IQGAP1: variants seen among roughly 807,000 people sequenced by gnomAD.
IQGAP1 encodes the protein ras GTPase-activating-like protein IQGAP1.
A neutral mutation model predicts 215.6 loss-of-function variants in IQGAP1; 66 were observed. That is an observed-to-expected ratio of 0.31 (90% confidence interval 0.25 to 0.38). IQGAP1 has a LOEUF of 0.38. Ranked by LOEUF, IQGAP1 falls within the 10% of genes least tolerant of loss-of-function variation. The pLI is 1.00. For synonymous variants in IQGAP1, 772 were observed against 728.7 expected, an observed-to-expected ratio of 1.06 and a Z score of -0.96; for missense variants, 1,712 against 1,997.1, an observed-to-expected ratio of 0.86 and a Z score of 2.72.
At chr15:90,448,778 T>C (rs1965559721) in intron 10 of IQGAP1, 42 bp downstream of exon 10, 1 of 1,386,722 alleles carries the variant, frequency 7.2e-7, no homozygotes, top group Non-Finnish European at 9.4e-7. Context: ...TTTGTATATA[T>C]CCATTCGAAT....
Position 90,456,264 on chromosome 15 carries a change from G to A in IQGAP1, c.1725G>A (p.Val575=). The A allele has an allele frequency of 1.2e-6, 2 of 1,614,068 alleles. No homozygotes were observed. The highest frequency in any genetic ancestry group is 1.7e-6 in the Non-Finnish European group (2 of 1,179,980). The change falls in exon 15 of 38, where the codon GTG becomes GTA. Residue 575 remains valine, a synonymous_variant. Transcript: ENST00000268182. Reference sequence around the variant, plus strand: ...AACTTGAGGGAGTCCTTGCAGAAGTGGCCCAGCATTACCAAGACACGCTGA... The same window carrying A: ...AACTTGAGGGAGTCCTTGCAGAAGTAGCCCAGCATTACCAAGACACGCTGA... ...AAKLEGVLAE[V]AQHYQDTLIR...
intron 4 of IQGAP1, chr15:90,431,194 G>A (rs181637998): frequency 6.6e-6 from 1 of 151,964 alleles, no homozygotes; most frequent in East Asian, 1.9e-4. Flanking sequence ...CTTTGCAGAA[G>A]ACTAGCTTTT....
chr15:90,481,836 G>T (rs987644077), intron 26 of IQGAP1, 124 bp from the exon 27 acceptor site: 3 of 992,606 alleles, frequency 3.0e-6, no homozygotes, highest in Middle Eastern at 2.6e-4. Context: ...TACCAGCCCC[G>T]TGAGGATGAG....
At chr15:90,498,563 TG>T (rs890756911) in intron 37 of IQGAP1, among the ~76,000 whole-genome samples, 13 of 152,106 alleles carry the variant, frequency 8.5e-5, no homozygotes, top group Admixed American at 8.5e-4. Context: ...CTGCCAGGTG[TG>T]GGGTATTCTG....
intron 26 of IQGAP1, 123 bp downstream of exon 26, chr15:90,478,012 A>G: frequency 2.9e-6 from 2 of 688,736 alleles, no homozygotes; most frequent in South Asian, 2.0e-5. Flanking sequence ...CTTTTTTTAG[A>G]CAGAGTTTCA....
chr15:90,466,184 T>G, intron 16 of IQGAP1, 85 bp from the exon 17 acceptor site: 6 of 1,573,628 alleles, frequency 3.8e-6, no homozygotes, highest in Non-Finnish European at 5.2e-6. Context: ...GGGGAACAAT[T>G]TGCCAGTAGA....
At chr15:90,494,068 G>A (rs1978151) in intron 35 of IQGAP1, 87,158 of 151,982 alleles carry the variant, frequency 0.57, 26,656 homozygotes, top group East Asian at 0.85. Flanking sequence ...AGATATAACA[G>A]TTGACTTCAG....
At chr15:90,392,746 A>ATTTTTTT (rs1964652639) in intron 2 of IQGAP1, among the ~76,000 whole-genome samples, 3 of 91,826 alleles carry the variant, frequency 3.3e-5, no homozygotes, top group African/African-American at 5.9e-5. Context: ...GAATGTTTCT[A>ATTTTTTT]TCTTTTTTTT....
chr15:90,483,325 C>G (rs965724592), intron 28 of IQGAP1, 36 bp from the exon 29 acceptor site: 10 of 1,491,642 alleles, frequency 6.7e-6, no homozygotes, highest in African/African-American at 4.1e-5. Context: ...GGTGGTATGT[C>G]TTTTAATACC....
At position 90,501,903 on chromosome 15, in the gene IQGAP1, T is replaced by C. The variant is rs1328875237; in HGVS notation, c.*1795T>C. ...CCTTTAATAAAATGTGTCAGTAATT[T>C]TAAGGTTTATAGTTCCCTCAACACA... On this transcript the variant is annotated 3_prime_UTR_variant, in exon 38 of 38. Transcript: ENST00000268182. 2.0e-5 allele frequency: 3 copies of C among 152,196 alleles called. No individual in the cohort carries two copies. The highest frequency in any genetic ancestry group is 2.0e-4 in the Admixed American group (3 of 15,276). 9.4% of individuals were successfully genotyped at this position (152,196 alleles called of 1,614,324 possible).
At chr15:90,462,970 A>C (rs751378196) in intron 15 of IQGAP1, among the ~76,000 whole-genome samples, 10 of 152,284 alleles carry the variant, frequency 6.6e-5, no homozygotes, top group Non-Finnish European at 1.2e-4. Flanking sequence ...AATCTCTTTA[A>C]AACAAATTTT....
chr15:90,471,658 CCT>C lies in IQGAP1; in HGVS notation c.2179-1181_2179-1180del, dbSNP rs368805272. Among the ~76,000 whole-genome samples, 1,352 of 152,228 alleles carry C rather than the reference CCT, an allele frequency of 8.9e-3. 18 individuals are homozygous for C. The highest frequency in any genetic ancestry group is 0.03 in the African/African-American group (1,255 of 41,530). The stretch of plus-strand genomic sequence containing the variant: ...GGGATTACAGGCATGCGCCACCACA[CCT>C]GGCTAATTTTTGTATTTTTAGTAGA... On this transcript the variant is annotated intron_variant, in intron 18 of 37. Coordinates refer to ENST00000268182, the MANE Select transcript of IQGAP1 (RefSeq NM_003870.4).
At chr15:90,469,255 G>T (rs1370615632) in intron 18 of IQGAP1, among the ~76,000 whole-genome samples, 1 of 151,372 alleles carries the variant, frequency 6.6e-6, no homozygotes, top group Non-Finnish European at 1.5e-5. Context: ...AGACATTCAG[G>T]ATTCCTAGAG....
At chr15:90,489,538 G>C (rs1966174563) in intron 33 of IQGAP1, among the ~76,000 whole-genome samples, 1 of 152,196 alleles carries the variant, frequency 6.6e-6, no homozygotes, top group Admixed American at 6.5e-5. Context: ...TAAAAGCCCA[G>C]TATATAGAGC....
In IQGAP1 at chr15:90,407,028, T is replaced by C. The variant is rs180680772; in HGVS notation, c.155+16155T>C. Reference sequence around the variant, plus strand: ...GTGTTTAGTTCTGGAGGCCATACTTTAAGATGGATCTCGTAGTCTAGAGCA... The same window carrying C: ...GTGTTTAGTTCTGGAGGCCATACTTCAAGATGGATCTCGTAGTCTAGAGCA... On this transcript the variant is annotated intron_variant, in intron 2 of 37. Transcript: ENST00000268182. Among the ~76,000 whole-genome samples the C allele has an allele frequency of 2.0e-5, 3 of 152,342 alleles. No homozygotes were observed. The East Asian group carries it at 5.8e-4, about 29-fold the overall frequency.
intron 1 of IQGAP1, 148 bp from the exon 2 acceptor site, chr15:90,390,626 A>C (rs1296988378): frequency 1.9e-6 from 1 of 532,246 alleles, no homozygotes; most frequent in African/African-American, 1.9e-5. Context: ...TTTTTTAAGA[A>C]AGTCATTGTA....
At chr15:90,412,980 C>G (rs1162175888) in intron 2 of IQGAP1, among the ~76,000 whole-genome samples, 1 of 152,176 alleles carries the variant, frequency 6.6e-6, no homozygotes, top group African/African-American at 2.4e-5. Flanking sequence ...ACCCCTAATT[C>G]AGATTTCCAC....
intron 23 of IQGAP1, among the ~76,000 whole-genome samples, chr15:90,475,970 C>G (rs747792136): frequency 2.0e-5 from 3 of 151,960 alleles, no homozygotes; most frequent in Non-Finnish European, 2.9e-5. Flanking sequence ...GAGTTTCCCT[C>G]TGTACCCCAG....
intron 5 of IQGAP1, among the ~76,000 whole-genome samples, chr15:90,437,071 G>T (rs1965380408): frequency 7.5e-6 from 1 of 133,296 alleles, no homozygotes; most frequent in Admixed American, 7.0e-5. Context: ...GCCTGTACAA[G>T]AAGCATGGCT....
Sources: gnomAD v4.1 joint callset for allele counts (sites outside exome capture counted in the v4.1 genomes callset) on GRCh38, gnomAD v4.1.1 for gene constraint, MANE v1.5 for transcripts, NCBI Gene and HGNC (gene_info 2026-07-23, HGNC 2026-07-21) for gene names.